The following MBOAT2 variants were observed in gnomAD, a reference collection of about 807,000 sequenced individuals.
MBOAT2 encodes the protein membrane bound glycerophospholipid O-acyltransferase 2, also known as membrane-bound glycerophospholipid O-acyltransferase 2.
MBOAT2 carries 28 observed loss-of-function variants against 63.4 expected under a neutral mutation model. That is an observed-to-expected ratio of 0.44 (90% CI 0.33 to 0.61). The LOEUF is 0.61. Ranked by LOEUF, MBOAT2 falls within the 20% of genes least tolerant of loss-of-function variation. The pLI is 0.03. For missense variants in MBOAT2, 470 were observed against 605.8 expected, an observed-to-expected ratio of 0.78 and a Z score of 2.35; for synonymous variants, 211 against 215.6, an observed-to-expected ratio of 0.98 and a Z score of 0.19.
chr2:8,903,951 G>A (rs906336311), intron 4 of MBOAT2, among the ~76,000 whole-genome samples: 1 of 151,920 alleles, frequency 6.6e-6, no homozygotes, highest in Non-Finnish European at 1.5e-5. Context: ...AGATTAACTT[G>A]GGGGAATCAG....
chr2:8,973,962 T>C (rs1203885253), intron 1 of MBOAT2, among the ~76,000 whole-genome samples: 3 of 152,096 alleles, frequency 2.0e-5, no homozygotes, highest in East Asian at 3.8e-4. Context: ...ACAGTGATAA[T>C]ATCAAAATTG....
chr2:8,947,736 A>G (rs1037065493), intron 2 of MBOAT2, among the ~76,000 whole-genome samples: 1 of 149,886 alleles, frequency 6.7e-6, no homozygotes, highest in Non-Finnish European at 1.5e-5. Context: ...CATTGCTCAG[A>G]AAAAAAAGAT....
At position 8,908,768 on chromosome 2, in the gene MBOAT2, A is replaced by C. The variant is rs1238826810; in HGVS notation, c.300-52T>G. The C allele has an allele frequency of 2.7e-6, 3 of 1,105,102 alleles. No individual in the cohort carries two copies. The Admixed American group carries it at 5.7e-5, about 21-fold the overall frequency. The allele number at this position is 1,105,102 out of a possible 1,614,324, so 68.5% of individuals were successfully genotyped here. ...ATGAAAATAAGACTCATTTTGTTAA[A>C]GAGTACATTTTAAAGTAATTTATTA... is the stretch of plus-strand genomic sequence containing the variant. On this transcript the variant is annotated intron_variant, in intron 3 of 12. Transcript: ENST00000305997.
chr2:8,928,823 G>A lies in MBOAT2; in HGVS notation c.299+14364C>T, dbSNP rs537488612. On this transcript the variant is annotated intron_variant, in intron 3 of 12. Transcript: ENST00000305997. ...GGAAAGACCCCGTATGCTCTTGAGA[G>A]AATGAAAGTGAAAAAGGCAAATAAT... Among the ~76,000 whole-genome samples the A allele has an allele frequency of 8.9e-4, 136 of 152,258 alleles. 1 individual carries two copies. The highest frequency in any genetic ancestry group is 3.1e-3 in the South Asian group (15 of 4,824).
intron 1 of MBOAT2, among the ~76,000 whole-genome samples, chr2:8,980,274 G>GAACCTACC: frequency 6.6e-6 from 1 of 152,224 alleles, no homozygotes; most frequent in African/African-American, 2.4e-5. Flanking sequence ...TGTGCCACAG[G>GAACCTACC]AATGCACCTA....
intron 3 of MBOAT2, among the ~76,000 whole-genome samples, chr2:8,931,297 T>C (rs1006495072): frequency 1.3e-5 from 2 of 152,234 alleles, no homozygotes; most frequent in African/African-American, 4.8e-5. Context: ...GAGCTTTTTT[T>C]AATATGTTTG....
chr2:8,864,185 G>A lies in MBOAT2; in HGVS notation c.1037C>T (p.Ala346Val). Residue 346 changes from alanine to valine, a missense_variant, in exon 10 of 13, where the codon GCT becomes GTT. This residue lies in a region of MBOAT2 where 376 missense variants were observed against 503.8 expected (regional missense o/e 0.75). Transcript: ENST00000305997. ...MFLDNWNIQT[A>V]LWLKRVCYER... ...AGGAACGCACCTTTTGAGCCAAAGA[G>A]CTGTCTGAATATTCCAATTATCAAG... 2 of 1,579,510 alleles carry A rather than the reference G, an allele frequency of 1.3e-6. No homozygotes were observed. The highest frequency in any genetic ancestry group is 1.9e-5 in the Admixed American group (1 of 52,804).
chr2:8,917,323 T>C (rs960014678), intron 3 of MBOAT2, among the ~76,000 whole-genome samples: 1 of 152,034 alleles, frequency 6.6e-6, no homozygotes, highest in Non-Finnish European at 1.5e-5. Context: ...AAGGCAAACA[T>C]AGGTTGAAAA....
chr2:8,952,218 T>C (rs545526955), intron 2 of MBOAT2, among the ~76,000 whole-genome samples: 2 of 152,356 alleles, frequency 1.3e-5, no homozygotes, highest in African/African-American at 4.8e-5. Context: ...TTCCATGTAA[T>C]TGTGTGGTTT....
chr2:8,888,368 T>A (rs552976059), intron 4 of MBOAT2, among the ~76,000 whole-genome samples: 3 of 152,152 alleles, frequency 2.0e-5, no homozygotes, highest in Non-Finnish European at 4.4e-5. Flanking sequence ...CCTCCTCATC[T>A]CACACATTAG....
intron 4 of MBOAT2, among the ~76,000 whole-genome samples, chr2:8,900,810 G>T (rs1256958208): frequency 6.6e-6 from 1 of 152,154 alleles, no homozygotes; most frequent in Non-Finnish European, 1.5e-5. Flanking sequence ...TTACAGAAAA[G>T]ATCAAGCTTC....
At chr2:8,973,170 C>G (rs1329511720) in intron 1 of MBOAT2, among the ~76,000 whole-genome samples, 1 of 151,974 alleles carries the variant, frequency 6.6e-6, no homozygotes. Flanking sequence ...ACATATACAC[C>G]ATGGAATACT....
intron 1 of MBOAT2, among the ~76,000 whole-genome samples, chr2:8,978,762 T>C (rs1435726422): frequency 6.6e-6 from 1 of 151,984 alleles, no homozygotes; most frequent in Non-Finnish European, 1.5e-5. Flanking sequence ...CAAACTACCA[T>C]GGCACACGTA....
chr2:8,886,909 A>AT (rs1165543120), intron 5 of MBOAT2, among the ~76,000 whole-genome samples: 4 of 152,218 alleles, frequency 2.6e-5, no homozygotes, highest in Non-Finnish European at 5.9e-5. Context: ...AAGTTTTATT[A>AT]TAACTACAGT....
At chr2:8,906,125 A>G (rs1665311483) in intron 4 of MBOAT2, among the ~76,000 whole-genome samples, 1 of 151,936 alleles carries the variant, frequency 6.6e-6, no homozygotes. Context: ...TGCCTATTTA[A>G]TTTTTTGTAT....
At chr2:8,899,230 A>G (rs1300885368) in intron 4 of MBOAT2, among the ~76,000 whole-genome samples, 1 of 152,188 alleles carries the variant, frequency 6.6e-6, no homozygotes, top group East Asian at 1.9e-4. Flanking sequence ...ATTCACGTAG[A>G]TAATAGCTCC....
intron 2 of MBOAT2, among the ~76,000 whole-genome samples, chr2:8,952,735 G>A (rs1052486036): frequency 6.1e-5 from 9 of 147,574 alleles, no homozygotes; most frequent in East Asian, 5.9e-4. Flanking sequence ...ATTATGTAAC[G>A]CCCTTTTTTT....
Position 8,868,504 on chromosome 2 carries a change from T to C in MBOAT2, c.929A>G (p.Asp310Gly). The C allele has an allele frequency of 1.9e-6, 3 of 1,614,110 alleles. No individual in the cohort carries two copies. The highest frequency in any genetic ancestry group is 2.2e-5 in the South Asian group (2 of 91,076). The stretch of plus-strand genomic sequence containing the variant: ...GTCCCAGCGAGCTGCTCCATTTTCG[T>C]CATACCCTCTGAAACCAAAGCCTGC... ...NAAGFGFRGYDENGAARWDLI... is the reference protein window; with the variant it reads ...NAAGFGFRGYGENGAARWDLI... The change falls in exon 9 of 13, where the codon GAC (aspartate) becomes GGC (glycine). Residue 310 changes from aspartate (D) to glycine (G), a missense_variant. Transcript: ENST00000305997.
chr2:8,918,562 G>GA (rs1470817998), intron 3 of MBOAT2, among the ~76,000 whole-genome samples: 2 of 152,048 alleles, frequency 1.3e-5, no homozygotes, highest in African/African-American at 4.8e-5. Flanking sequence ...TTAATAAAAA[G>GA]AAAAAAGGCA....
Sources: gnomAD v4.1 joint callset for allele counts (sites outside exome capture counted in the v4.1 genomes callset) on GRCh38, gnomAD v4.1.1 for gene constraint, gnomAD v4.1.1 regional missense constraint, MANE v1.5 for transcripts, NCBI Gene and HGNC (gene_info 2026-07-23, HGNC 2026-07-21) for gene names.